Variants in RNF10 observed in about 807,000 individuals in gnomAD.
RNF10 encodes the protein ring finger protein 10.
Under a neutral mutation model 91.4 loss-of-function variants are expected in RNF10, and 38 were observed. The observed-to-expected ratio is 0.42, with a 90% confidence interval of 0.32 to 0.54. RNF10 has a LOEUF of 0.54. RNF10 is among the 20% of genes least tolerant of loss of function. RNF10 has a pLI of 0.16. For missense variants in RNF10, 945 were observed against 1,012.0 expected (o/e 0.93, Z 0.90); for synonymous variants, 364 against 366.3 (o/e 0.99, Z 0.07).
At chr12:120,566,699 A>T (rs1269999673) in intron 12 of RNF10, 126 bp from the exon 13 acceptor site, 3 of 859,754 alleles carry the variant, frequency 3.5e-6, no homozygotes, top group Non-Finnish European at 5.4e-6. Context: ...GAGGCAGAGG[A>T]TGCAGTGAAC....
At chr12:120,562,267 C>CTTTTTTTT (rs1174061958) in intron 7 of RNF10, among the ~76,000 whole-genome samples, 10 of 102,218 alleles carry the variant, frequency 9.8e-5, no homozygotes, top group Non-Finnish European at 1.6e-4. Context: ...CTTTTTCTTT[C>CTTTTTTTT]TTTCTTTTTT....
chr12:120,546,586 T>G lies in RNF10; in HGVS notation c.339T>G (p.Gly113=), dbSNP rs201659121. The change falls in exon 2 of 17, where the codon GGT becomes GGG. Residue 113 remains glycine, a synonymous_variant. Transcript: ENST00000325954. ...AACTCTTTAGCTCTTCTTTTAATGG[T>G]GGAAGACGAGATGAGGTATGGAATT... ...SSKLFSSSFN[G]GRRDEVAEAQ... 1.5e-4 allele frequency: 234 copies of G among 1,613,224 alleles called. 4 individuals are homozygous for G. The East Asian group carries it at 3.3e-3, about 23-fold the overall frequency.
At position 120,534,937 on chromosome 12, in the gene RNF10, G is replaced by T; in HGVS notation, c.126G>T (p.Ala42=). The change falls in exon 1 of 17, where the codon GCG becomes GCT. Residue 42 remains alanine (A), a synonymous_variant. Coordinates refer to ENST00000325954, the MANE Select transcript of RNF10 (RefSeq NM_014868.5). ...AACAGCCGCCCCGCTCCGCCTCGGC[G>T]GGGCCAGCCGGCGAGTCTAAACCCA... ...KGQQPPRSAS[A]GPAGESKPKS... 1 of 1,602,360 alleles carries T rather than the reference G, an allele frequency of 6.2e-7. No homozygotes were observed. The highest frequency in any genetic ancestry group is 8.5e-7 in the Non-Finnish European group (1 of 1,179,162).
At chr12:120,541,286 C>CT (rs1177761737) in intron 1 of RNF10, among the ~76,000 whole-genome samples, 1 of 152,148 alleles carries the variant, frequency 6.6e-6, no homozygotes, top group Non-Finnish European at 1.5e-5. Context: ...CTGAAACAGT[C>CT]TTGGATAATG....
At chr12:120,535,448 G>A (rs77992287) in intron 1 of RNF10, 3,112 of 152,358 alleles carry the variant, frequency 0.02, 104 homozygotes, top group African/African-American at 0.071. Context: ...TTCCTCTGTC[G>A]AAGAGGAAGT....
intron 1 of RNF10, among the ~76,000 whole-genome samples, chr12:120,543,738 T>C (rs2137142296): frequency 6.6e-6 from 1 of 152,154 alleles, no homozygotes; most frequent in East Asian, 1.9e-4. Context: ...AGTTGGAGGC[T>C]GCAGTAAGCC....
intron 1 of RNF10, among the ~76,000 whole-genome samples, chr12:120,541,504 C>G (rs1207823963): frequency 6.6e-6 from 1 of 150,720 alleles, no homozygotes; most frequent in Non-Finnish European, 1.5e-5. Context: ...GCACGATCTC[C>G]GCTCACTGCT....
chr12:120,542,479 C>G (rs1222485324), intron 1 of RNF10, among the ~76,000 whole-genome samples: 1 of 152,158 alleles, frequency 6.6e-6, no homozygotes, highest in African/African-American at 2.4e-5. Context: ...CTAATTGTTA[C>G]TACTAGTGCC....
chr12:120,534,593 C>T lies in RNF10; in HGVS notation c.-219C>T, dbSNP rs541126. ...CCCGGCCCGGACTCCCGAGCCCCGGCCTCCTCGTCCTCGGTCGCCGCTGCC... is the reference window on the plus strand; with the variant it reads ...CCCGGCCCGGACTCCCGAGCCCCGGTCTCCTCGTCCTCGGTCGCCGCTGCC... On this transcript the variant is annotated 5_prime_UTR_variant, in exon 1 of 17. Coordinates refer to ENST00000325954, the MANE Select transcript of RNF10 (RefSeq NM_014868.5). The T allele has an allele frequency of 0.17, 190,881 of 1,097,878 alleles. 17,352 individuals carry two copies. The highest frequency in any genetic ancestry group is 0.25 in the African/African-American group (12,739 of 50,850). 68.0% of individuals were successfully genotyped at this position (1,097,878 alleles called of 1,614,324 possible).
At chr12:120,562,273 T>TTC (rs1199693821) in intron 7 of RNF10, among the ~76,000 whole-genome samples, 18 of 119,604 alleles carry the variant, frequency 1.5e-4, no homozygotes, top group Admixed American at 6.5e-4. Context: ...CTTTCTTTCT[T>TTC]TTTTTTTTTT....
At chr12:120,542,206 G>T (rs930088876) in intron 1 of RNF10, among the ~76,000 whole-genome samples, 3 of 152,110 alleles carry the variant, frequency 2.0e-5, no homozygotes, top group African/African-American at 4.8e-5. Context: ...TGTAGCCCAG[G>T]GTGGAGAGCA....
chr12:120,555,873 C>T (rs1003220132), intron 4 of RNF10, among the ~76,000 whole-genome samples: 1 of 151,668 alleles, frequency 6.6e-6, no homozygotes, highest in South Asian at 2.1e-4. Context: ...ACTGTAACCT[C>T]CACCTCTTGG....
chr12:120,563,447 A>G lies in RNF10; in HGVS notation c.1355A>G (p.Glu452Gly). 1 of 1,614,134 alleles carries G rather than the reference A, an allele frequency of 6.2e-7. No homozygotes were observed. The highest frequency in any genetic ancestry group is 8.5e-7 in the Non-Finnish European group (1 of 1,180,022). Residue 452 changes from glutamate (E) to glycine (G), a missense_variant, in exon 9 of 17, where the codon GAG becomes GGG. Transcript: ENST00000325954. ...CTTGCTCTCCCTCTGGTAGAAGAGG[A>G]GGAAGCAGTGTCTGAACCAGAGCCT... ...RPLALPLVEE[E>G]EAVSEPEPEG...
intron 13 of RNF10, among the ~76,000 whole-genome samples, chr12:120,570,981 C>G (rs1876531502): frequency 6.6e-6 from 1 of 152,084 alleles, no homozygotes; most frequent in African/African-American, 2.4e-5. Context: ...AAGCTCTTCC[C>G]TCTTCCTGTA....
Position 120,546,551 on chromosome 12 carries a change from G to GGCA in RNF10, c.311_313dup (p.Ser104dup), listed in dbSNP as rs768143625. 48 of 1,614,004 alleles carry GGCA rather than the reference G, an allele frequency of 3.0e-5. No individual in the cohort carries two copies. The highest frequency in any genetic ancestry group is 1.6e-4 in the Middle Eastern group (1 of 6,084). ...CAAGATGCCTCCTCAAAGGGGCGGC[G>GGCA]GCAGCAGCAAACTCTTTAGCTCTTC... On this transcript the variant is annotated inframe_insertion, in exon 2 of 17. Coordinates refer to ENST00000325954, the MANE Select transcript of RNF10 (RefSeq NM_014868.5).
intron 3 of RNF10, 32 bp from the exon 4 acceptor site, chr12:120,554,686 G>A (rs1218298984): frequency 6.6e-7 from 1 of 1,519,432 alleles, no homozygotes; most frequent in South Asian, 1.1e-5. Flanking sequence ...GATCCTGACA[G>A]TCTAGCTTTT....
intron 2 of RNF10, 55 bp downstream of exon 2, chr12:120,546,656 C>T (rs901567693): frequency 4.8e-5 from 69 of 1,451,032 alleles, no homozygotes; most frequent in Non-Finnish European, 2.6e-5. Context: ...CTGATCCCAT[C>T]CCCCGTCCCC....
chr12:120,552,534 C>G lies in RNF10; in HGVS notation c.390C>G (p.Ala130=). 1 of 1,614,156 alleles carries G rather than the reference C, an allele frequency of 6.2e-7. No homozygotes were observed. The highest frequency in any genetic ancestry group is 1.6e-4 in the Middle Eastern group (1 of 6,062). Reference sequence around the variant, plus strand: ...CTCAACGGGCAGAGTTTAGCCCTGCCCAGTTCTCTGGTCCTAAGAAGATCA... The same window carrying G: ...CTCAACGGGCAGAGTTTAGCCCTGCGCAGTTCTCTGGTCCTAAGAAGATCA... ...AEAQRAEFSP[A]QFSGPKKINL... The change falls in exon 3 of 17, where the codon GCC becomes GCG. Residue 130 remains alanine, a synonymous_variant. Coordinates refer to ENST00000325954, the MANE Select transcript of RNF10 (RefSeq NM_014868.5).
intron 8 of RNF10, 102 bp downstream of exon 8, chr12:120,563,172 A>T: frequency 6.5e-7 from 1 of 1,545,590 alleles, no homozygotes; most frequent in Non-Finnish European, 8.9e-7. Context: ...AGAAGAGGGG[A>T]CAATGAGTAT....
Sources: allele counts gnomAD v4.1 joint callset (sites outside exome capture counted in the v4.1 genomes callset), GRCh38; gene constraint gnomAD v4.1.1; transcripts MANE v1.5; gene names NCBI Gene and HGNC (gene_info 2026-07-23, HGNC 2026-07-21).